PCLO: variants seen among roughly 807,000 people sequenced by gnomAD.
PCLO encodes the protein protein piccolo.
In PCLO, 82 loss-of-function variants were observed where a neutral mutation model predicts 427.5. That is an observed-to-expected ratio of 0.19 (90% CI 0.16 to 0.23). The LOEUF (loss-of-function observed/expected upper bound fraction) is 0.23, where lower values mean the gene tolerates loss of function less well. Ranked by LOEUF, PCLO falls within the 10% of genes least tolerant of loss-of-function variation. PCLO has a pLI of 1.00. For missense variants in PCLO, 6,239 were observed against 6,115.9 expected, an observed-to-expected ratio of 1.02 and a Z score of -0.67; for synonymous variants, 2,357 against 2,155.4, an observed-to-expected ratio of 1.09 and a Z score of -2.59.
chr7:82,916,359 G>A lies in PCLO; in HGVS notation c.11627C>T (p.Ser3876Phe). ...QFIPPQTQTE[S>F]QLVPPTSPYT... is the part of the protein sequence containing the mutation. The stretch of plus-strand genomic sequence containing the variant: ...AGGACTTGTCGGAGGAACTAGTTGA[G>A]ATTCTGTTTGGGTTTGTGGTGGTAT... The change falls in exon 7 of 25, where the codon TCT becomes TTT. Residue 3876 changes from serine to phenylalanine, a missense_variant. Ser to Phe is a radical substitution (Grantham distance 155). Transcript: ENST00000333891. The A allele has an allele frequency of 6.2e-7, 1 of 1,613,734 alleles. No homozygotes were observed. Among genetic ancestry groups the A allele is most frequent in the African/African-American group, 1.3e-5 (1 of 74,992 alleles).
chr7:83,154,621 G>A lies in PCLO; in HGVS notation c.1893+127C>T, dbSNP rs111461405. Reference sequence around the variant, plus strand: ...AATTACAACTGGCAGAAAACAAAACGAACGAAGGAGGGGAGAATCCAGAGA... The same window carrying A: ...AATTACAACTGGCAGAAAACAAAACAAACGAAGGAGGGGAGAATCCAGAGA... On this transcript the variant is annotated intron_variant, in intron 2 of 24. Coordinates refer to ENST00000333891, the MANE Select transcript of PCLO (RefSeq NM_033026.6). The A allele has an allele frequency of 3.8e-3, 2,797 of 736,644 alleles. 62 individuals carry two copies. The African/African-American group carries it at 0.044, about 11-fold the overall frequency. 45.6% of individuals were successfully genotyped at this position (736,644 alleles called of 1,614,324 possible).
chr7:83,136,306 A>C (rs559560919), intron 2 of PCLO, among the ~76,000 whole-genome samples: 1 of 152,258 alleles, frequency 6.6e-6, no homozygotes, highest in South Asian at 2.1e-4. Context: ...TGTTTTTTTA[A>C]CAAGCTTTCA....
At chr7:82,936,990 C>T (rs1004028021) in intron 6 of PCLO, among the ~76,000 whole-genome samples, 159 of 151,384 alleles carry the variant, frequency 1.1e-3, no homozygotes, top group African/African-American at 3.4e-3. Flanking sequence ...AGAGGCTAAG[C>T]GGGGAAGGGA....
intron 3 of PCLO, among the ~76,000 whole-genome samples, chr7:83,001,464 A>G (rs1404739051): frequency 6.6e-6 from 1 of 151,664 alleles, no homozygotes; most frequent in Admixed American, 6.6e-5. Context: ...AAAAAAATCA[A>G]GGCTGTGCTG....
At chr7:83,092,491 C>T (rs538045448) in intron 3 of PCLO, among the ~76,000 whole-genome samples, 2 of 152,034 alleles carry the variant, frequency 1.3e-5, no homozygotes, top group African/African-American at 4.8e-5. Context: ...GGGGCCAGTC[C>T]AAGAAGTGTA....
Position 82,950,163 on chromosome 7 carries a change from A to G in PCLO, c.10425T>C (p.Asp3475=). The G allele has an allele frequency of 6.2e-7, 1 of 1,610,964 alleles. No individual in the cohort carries two copies. The highest frequency in any genetic ancestry group is 8.5e-7 in the Non-Finnish European group (1 of 1,179,406). Residue 3475 remains aspartate (D), a synonymous_variant, in exon 6 of 25, where the codon GAT becomes GAC. Coordinates refer to ENST00000333891, the MANE Select transcript of PCLO (RefSeq NM_033026.6). ...TATCCCACTCATCCTGATCTTCATC[A>G]TCAGTTTGGACGCTTGTATCCACAC... is the stretch of plus-strand genomic sequence containing the variant. ...KKSVDTSVQT[D]DEDQDEWDMP...
intron 1 of PCLO, among the ~76,000 whole-genome samples, chr7:83,159,925 CCTCA>C (rs1302523358): frequency 1.3e-5 from 2 of 152,022 alleles, no homozygotes; most frequent in Admixed American, 6.5e-5. Flanking sequence ...AATCTGGTAT[CCTCA>C]CTCCTGGTTT....
At chr7:82,998,604 G>T (rs964532094) in intron 3 of PCLO, among the ~76,000 whole-genome samples, 5 of 151,846 alleles carry the variant, frequency 3.3e-5, no homozygotes, top group Admixed American at 2.6e-4. Context: ...AATGTGGACT[G>T]AGAAACATGA....
chr7:82,887,198 A>G (rs1793647695), intron 9 of PCLO, among the ~76,000 whole-genome samples: 1 of 152,140 alleles, frequency 6.6e-6, no homozygotes. Context: ...ACTGCTAAGG[A>G]GGGTTAGAAA....
At chr7:82,807,367 A>C (rs1791476805) in intron 20 of PCLO, among the ~76,000 whole-genome samples, 1 of 152,156 alleles carries the variant, frequency 6.6e-6, no homozygotes. Context: ...AGCCAGTTGG[A>C]TAGAGTTATA....
At chr7:82,948,415 A>G (rs61277720) in intron 6 of PCLO, among the ~76,000 whole-genome samples, 10,945 of 152,206 alleles carry the variant, frequency 0.072, 1,330 homozygotes, top group African/African-American at 0.25. Flanking sequence ...GTCATATATC[A>G]TGACATATTT....
chr7:83,052,705 G>T (rs1419853863), intron 3 of PCLO, among the ~76,000 whole-genome samples: 1 of 151,954 alleles, frequency 6.6e-6, no homozygotes, highest in East Asian at 1.9e-4. Flanking sequence ...CTCGTTGGTT[G>T]TTCTATAGCT....
chr7:82,762,994 G>T (rs948978252), intron 22 of PCLO, among the ~76,000 whole-genome samples: 4 of 152,050 alleles, frequency 2.6e-5, no homozygotes, highest in African/African-American at 4.8e-5. Context: ...AGGCTGAAGT[G>T]TAGTGGCCCG....
At chr7:83,120,718 T>C (rs1405947669) in intron 3 of PCLO, among the ~76,000 whole-genome samples, 2 of 152,110 alleles carry the variant, frequency 1.3e-5, no homozygotes, top group Non-Finnish European at 2.9e-5. Context: ...AAACTTTTAT[T>C]GTAGAATATT....
intron 3 of PCLO, among the ~76,000 whole-genome samples, chr7:82,967,501 C>T (rs911998200): frequency 6.6e-6 from 1 of 152,000 alleles, no homozygotes; most frequent in Non-Finnish European, 1.5e-5. Flanking sequence ...TGCTGCTCTT[C>T]AGTGTCTAAG....
chr7:82,787,773 T>C (rs1301228150), intron 22 of PCLO, among the ~76,000 whole-genome samples: 1 of 152,042 alleles, frequency 6.6e-6, no homozygotes, highest in Non-Finnish European at 1.5e-5. Flanking sequence ...AAAAAAACCC[T>C]GTAAATTGGC....
intron 3 of PCLO, among the ~76,000 whole-genome samples, chr7:83,109,476 T>A (rs535283020): frequency 3.3e-5 from 5 of 152,182 alleles, no homozygotes; most frequent in Non-Finnish European, 5.9e-5. Flanking sequence ...AATCTATGAA[T>A]CTCTCTGACC....
chr7:83,161,244 A>G (rs1157026377), intron 1 of PCLO, among the ~76,000 whole-genome samples: 1 of 133,286 alleles, frequency 7.5e-6, no homozygotes, highest in East Asian at 2.2e-4. Context: ...TTTTTTTTTT[A>G]TTTTATAAAG....
chr7:82,833,528 C>G (rs1403628173), intron 16 of PCLO, among the ~76,000 whole-genome samples: 1 of 152,008 alleles, frequency 6.6e-6, no homozygotes, highest in Non-Finnish European at 1.5e-5. Flanking sequence ...GTAAAGGAGA[C>G]AAGGAAACCA....
Sources: allele counts gnomAD v4.1 joint callset (sites outside exome capture counted in the v4.1 genomes callset), GRCh38; gene constraint gnomAD v4.1.1; transcripts MANE v1.5; gene names NCBI Gene and HGNC (gene_info 2026-07-23, HGNC 2026-07-21).